Variants in SEMA6D observed in about 807,000 individuals in gnomAD.
The protein encoded by SEMA6D is semaphorin 6D, also known as semaphorin-6D.
In SEMA6D, 35 loss-of-function variants were observed where a neutral mutation model predicts 106.6. The ratio of observed to expected loss-of-function variants is 0.33; its 90% CI spans 0.25 to 0.44. SEMA6D has a LOEUF of 0.44. Ranked by LOEUF, SEMA6D falls within the 20% of genes least tolerant of loss-of-function variation. SEMA6D has a pLI of 1.00. For synonymous variants in SEMA6D, 499 were observed against 487.7 expected, an observed-to-expected ratio of 1.02 and a Z score of -0.31; for missense variants, 1,185 against 1,345.9, an observed-to-expected ratio of 0.88 and a Z score of 1.87.
At chr15:47,226,501 C>T (rs2031677437) in intron 1 of SEMA6D, among the ~76,000 whole-genome samples, 1 of 152,100 alleles carries the variant, frequency 6.6e-6, no homozygotes, top group Non-Finnish European at 1.5e-5. Context: ...AAGTCCAGTA[C>T]TTTGTTATCA....
chr15:47,670,151 G>A (rs1211755985), intron 4 of SEMA6D, among the ~76,000 whole-genome samples: 1 of 152,130 alleles, frequency 6.6e-6, no homozygotes, highest in African/African-American at 2.4e-5. Context: ...CCACCCTGGC[G>A]CAAAATAGAA....
rs373275298 is a variant in SEMA6D, at chr15:47,185,751, A to T, written c.-239+1333A>T. 18 of 152,140 alleles carry T rather than the reference A, an allele frequency of 1.2e-4. No individual in the cohort carries two copies. The East Asian group carries it at 1.4e-3, about 11-fold the overall frequency. The allele number at this position is 152,140 out of a possible 1,614,324, so 9.4% of individuals were successfully genotyped here. ...GTTGGAGATCCCAAAAGACTTCTGC[A>T]TACAGTTCCTTTCGTTGGATGGTAG... On this transcript the variant is annotated intron_variant, in intron 1 of 19. Coordinates refer to the SEMA6D transcript ENST00000558014.
intron 1 of SEMA6D, among the ~76,000 whole-genome samples, chr15:47,232,985 G>A (rs2032306457): frequency 6.6e-6 from 1 of 151,938 alleles, no homozygotes; most frequent in Admixed American, 6.6e-5. Flanking sequence ...CTGATTGTAT[G>A]TTTGGTGTCA....
intron 13 of SEMA6D, chr15:47,765,604 G>T: frequency 1.9e-6 from 1 of 530,456 alleles, no homozygotes; most frequent in East Asian, 4.4e-5. Flanking sequence ...TATTTCTATA[G>T]TCAAATGTGG....
chr15:47,493,306 A>G (rs537244910), intron 3 of SEMA6D, among the ~76,000 whole-genome samples: 8 of 152,284 alleles, frequency 5.3e-5, no homozygotes, highest in African/African-American at 1.7e-4. Context: ...GAAACACACT[A>G]TGTGAAATTT....
intron 3 of SEMA6D, among the ~76,000 whole-genome samples, chr15:47,528,353 T>C (rs1316806658): frequency 1.3e-5 from 2 of 152,160 alleles, no homozygotes; most frequent in African/African-American, 4.8e-5. Context: ...AAGGGCTGAT[T>C]GTCCAATTTT....
At chr15:47,404,360 C>T (rs1267574039) in intron 1 of SEMA6D, among the ~76,000 whole-genome samples, 1 of 152,144 alleles carries the variant, frequency 6.6e-6, no homozygotes, top group Non-Finnish European at 1.5e-5. Context: ...GTTTTTACTA[C>T]TGTAGGGTAG....
intron 1 of SEMA6D, among the ~76,000 whole-genome samples, chr15:47,223,538 GTGCTT>G (rs1394734835): frequency 5.3e-5 from 8 of 151,900 alleles, no homozygotes; most frequent in African/African-American, 1.7e-4. Flanking sequence ...ATTTTGAACT[GTGCTT>G]CATATGGACA....
intron 3 of SEMA6D, among the ~76,000 whole-genome samples, chr15:47,474,708 AG>A (rs1359329279): frequency 2.0e-5 from 3 of 152,202 alleles, no homozygotes; most frequent in African/African-American, 7.2e-5. Flanking sequence ...CTTAATATTG[AG>A]GCAAAAACAG....
At chr15:47,620,798 A>G (rs1176425567) in intron 4 of SEMA6D, among the ~76,000 whole-genome samples, 1 of 151,860 alleles carries the variant, frequency 6.6e-6, no homozygotes, top group Non-Finnish European at 1.5e-5. Context: ...GTTCAGAGGA[A>G]TATGTCTTAG....
At chr15:47,658,095 G>A (rs1028030674) in intron 4 of SEMA6D, among the ~76,000 whole-genome samples, 4 of 152,048 alleles carry the variant, frequency 2.6e-5, no homozygotes, top group Non-Finnish European at 4.4e-5. Flanking sequence ...CTTATTATAA[G>A]AATGATAGTG....
At chr15:47,436,205 C>T (rs1845938) in intron 2 of SEMA6D, among the ~76,000 whole-genome samples, 1,692 of 152,030 alleles carry the variant, frequency 0.011, 28 homozygotes, top group African/African-American at 0.039. Flanking sequence ...GACTGGCCAA[C>T]GTGGTGAAAC....
chr15:47,652,682 T>G (rs980381535), intron 4 of SEMA6D, among the ~76,000 whole-genome samples: 2 of 152,210 alleles, frequency 1.3e-5, no homozygotes, highest in Non-Finnish European at 2.9e-5. Context: ...GTACAGATTT[T>G]ACATGTGGCT....
intron 2 of SEMA6D, among the ~76,000 whole-genome samples, chr15:47,451,914 T>A (rs1309898935): frequency 6.6e-6 from 1 of 152,004 alleles, no homozygotes; most frequent in African/African-American, 2.4e-5. Context: ...CTATTGTATG[T>A]AAATTATACC....
At chr15:47,753,851 G>A (rs968444537) in intron 1 of SEMA6D, among the ~76,000 whole-genome samples, 2 of 152,186 alleles carry the variant, frequency 1.3e-5, no homozygotes, top group South Asian at 4.1e-4. Flanking sequence ...CCTGAGGCAG[G>A]TGGAGTAGGA....
intron 1 of SEMA6D, among the ~76,000 whole-genome samples, chr15:47,247,932 C>T (rs2033295321): frequency 6.6e-6 from 1 of 152,066 alleles, no homozygotes; most frequent in Non-Finnish European, 1.5e-5. Context: ...TTTTTAATCC[C>T]CTCCATTGAC....
chr15:47,523,086 C>T (rs2044639958), intron 3 of SEMA6D, among the ~76,000 whole-genome samples: 2 of 152,186 alleles, frequency 1.3e-5, no homozygotes, highest in Non-Finnish European at 2.9e-5. Flanking sequence ...TCCTATACTC[C>T]TCCCATCTTC....
chr15:47,237,781 A>G (rs541083197), intron 1 of SEMA6D, among the ~76,000 whole-genome samples: 1 of 152,238 alleles, frequency 6.6e-6, no homozygotes, highest in South Asian at 2.1e-4. Context: ...GAGCACAAAA[A>G]TCTTTGAGGG....
At chr15:47,538,334 G>T (rs1477649906) in intron 3 of SEMA6D, among the ~76,000 whole-genome samples, 2 of 152,118 alleles carry the variant, frequency 1.3e-5, no homozygotes, top group Non-Finnish European at 2.9e-5. Flanking sequence ...TGAAGAAGTT[G>T]GGTGTTGATA....
Sources: gnomAD v4.1 joint callset for allele counts (sites outside exome capture counted in the v4.1 genomes callset) on GRCh38, gnomAD v4.1.1 for gene constraint, MANE v1.5 for transcripts, NCBI Gene and HGNC (gene_info 2026-07-23, HGNC 2026-07-21) for gene names.